ABCC1: variants seen among roughly 807,000 people sequenced by gnomAD.
ABCC1 encodes ATP binding cassette subfamily C member 1 (ABCC1 blood group), also known as multidrug resistance-associated protein 1.
In ABCC1, 83 loss-of-function variants were observed where a neutral mutation model predicts 172.9. The observed-to-expected ratio is 0.48, with a 90% CI of 0.40 to 0.58. The LOEUF (loss-of-function observed/expected upper bound fraction) is 0.58, where lower values mean the gene tolerates loss of function less well. ABCC1 is among the 20% of genes least tolerant of loss of function. ABCC1 has a pLI of 0.00. For synonymous variants in ABCC1, 937 were observed against 825.2 expected, an observed-to-expected ratio of 1.14 and a Z score of -2.32; for missense variants, 1,817 against 2,002.7, an observed-to-expected ratio of 0.91 and a Z score of 1.77.
intron 21 of ABCC1, among the ~76,000 whole-genome samples, chr16:16,109,465 C>G (rs1220297920): frequency 6.6e-6 from 1 of 152,180 alleles, no homozygotes; most frequent in East Asian, 1.9e-4. Context: ...GTGTGAGCCA[C>G]CGCACCCAGT....
intron 26 of ABCC1, among the ~76,000 whole-genome samples, chr16:16,127,316 C>T (rs2045483242): frequency 1.3e-5 from 2 of 152,156 alleles, no homozygotes; most frequent in Admixed American, 1.3e-4. Flanking sequence ...AAGTGATTCT[C>T]CTACCTCTGC....
Position 16,056,265 on chromosome 16 carries a change from C to T in ABCC1, c.1647C>T (p.Gly549=). ...AGTCTGCCTACCTGTCAGCCGTGGG[C>T]ACCTTCACCTGGGTCTGCACGCCCT... is the stretch of plus-strand genomic sequence containing the variant. ...LKKSAYLSAV[G]TFTWVCTPFL... Residue 549 remains glycine (G), a synonymous_variant, in exon 12 of 31, where the codon GGC becomes GGT. Coordinates refer to ENST00000399410, the MANE Select transcript of ABCC1 (RefSeq NM_004996.4). 6.2e-7 allele frequency: 1 copy of T among 1,614,248 alleles called. No individual in the cohort carries two copies.
At position 16,142,998 on chromosome 16, in the gene ABCC1, T is replaced by C. The variant is rs1447266951; in HGVS notation, c.*1717T>C. On this transcript the variant is annotated 3_prime_UTR_variant, in exon 31 of 31. Transcript: ENST00000399410. ...AACTAAGTTTTGGGGGATCCTTTTG[T>C]AATGACTTACACTGGAAATGCGAAC... 3 of 152,418 alleles carry C rather than the reference T, an allele frequency of 2.0e-5. No individual in the cohort carries two copies. Among genetic ancestry groups the C allele is most frequent in the Non-Finnish European group, 2.9e-5 (2 of 68,042 alleles). 9.4% of individuals were successfully genotyped at this position (152,418 alleles called of 1,614,324 possible).
intron 7 of ABCC1, among the ~76,000 whole-genome samples, chr16:16,043,763 G>A (rs367603354): frequency 3.9e-5 from 6 of 151,964 alleles, no homozygotes; most frequent in African/African-American, 9.7e-5. Context: ...CATCATGCCC[G>A]GCTAATTTTT....
In ABCC1 at chr16:16,079,239, C is replaced by T. The variant is rs1049949067; in HGVS notation, c.1989-113C>T. On this transcript the variant is annotated intron_variant, in intron 15 of 30. Transcript: ENST00000399410. ...GCCTTCAGTGTTTAGTACAGTCTTGCCTTCTGTCTTTCTCTTTCTCTACTT... is the reference window on the plus strand; with the variant it reads ...GCCTTCAGTGTTTAGTACAGTCTTGTCTTCTGTCTTTCTCTTTCTCTACTT... The T allele has an allele frequency of 3.4e-6, 5 of 1,481,800 alleles. No homozygotes were observed. The African/African-American group carries it at 5.6e-5, about 17-fold the overall frequency. 91.8% of individuals were successfully genotyped at this position (1,481,800 alleles called of 1,614,324 possible).
intron 18 of ABCC1, 58 bp from the exon 19 acceptor site, chr16:16,090,347 A>G: frequency 1.3e-6 from 2 of 1,482,806 alleles, no homozygotes; most frequent in East Asian, 4.8e-5. Flanking sequence ...TCACTCTGCC[A>G]AGCTAGGCAG....
In ABCC1 at chr16:16,136,705, G is replaced by T. The variant is rs2045931183; in HGVS notation, c.4292+61G>T. 6 of 1,561,528 alleles carry T rather than the reference G, an allele frequency of 3.8e-6. No individual in the cohort carries two copies. The South Asian group carries it at 7.1e-5, about 19-fold the overall frequency. ...TGTCCTAGGCGCCATCTCGGTAGGG[G>T]TGTTTGAAGATTCTGTCCAGATCTG... On this transcript the variant is annotated intron_variant, in intron 29 of 30. Coordinates refer to ENST00000399410, the MANE Select transcript of ABCC1 (RefSeq NM_004996.4).
intron 5 of ABCC1, among the ~76,000 whole-genome samples, chr16:16,022,860 A>G (rs941015506): frequency 1.3e-5 from 2 of 152,172 alleles, no homozygotes; most frequent in African/African-American, 4.8e-5. Flanking sequence ...GCTTTGTCAC[A>G]TATCTGTCTG....
intron 3 of ABCC1, among the ~76,000 whole-genome samples, chr16:16,012,829 C>T (rs561168264): frequency 1.3e-5 from 2 of 151,698 alleles, no homozygotes; most frequent in Admixed American, 6.6e-5. Flanking sequence ...ATTACAGGCA[C>T]GCGCCACCAC....
chr16:15,961,494 T>C (rs1159095931), intron 1 of ABCC1, among the ~76,000 whole-genome samples: 1 of 152,242 alleles, frequency 6.6e-6, no homozygotes, highest in Non-Finnish European at 1.5e-5. Flanking sequence ...AGTTTTAGTA[T>C]GTTCCCACCC....
intron 20 of ABCC1, 192 bp from the exon 21 acceptor site, chr16:16,106,546 T>C (rs576321063): frequency 3.4e-6 from 2 of 592,302 alleles, no homozygotes; most frequent in African/African-American, 3.8e-5. Flanking sequence ...TTTCTCTGGG[T>C]ACCTATAAAC....
chr16:16,134,648 T>C, intron 28 of ABCC1, 140 bp downstream of exon 28: 1 of 932,184 alleles, frequency 1.1e-6, no homozygotes, highest in Non-Finnish European at 1.5e-6. Context: ...TTTTTTTTTT[T>C]TTTCCTGAAA....
Position 16,033,069 on chromosome 16 carries a change from TTTCCCTCTTCCTCCCAAACC to T in ABCC1, c.616-38_616-19del, listed in dbSNP as rs2048611423. 6.3e-7 allele frequency: 1 copy of T among 1,596,658 alleles called. No homozygotes were observed. The highest frequency in any genetic ancestry group is 1.3e-5 in the African/African-American group (1 of 74,526). ...CCTGGATGAAAAGTCAAATCATTCC[TTTCCCTCTTCCTCCCAAACC>T]TGTGCTTTCTTTCCACTAGAATCCC... On this transcript the variant is annotated intron_variant, in intron 5 of 30. Transcript: ENST00000399410.
At chr16:16,114,681 G>C in intron 22 of ABCC1, 85 bp from the exon 23 acceptor site, 2 of 1,345,140 alleles carry the variant, frequency 1.5e-6, no homozygotes, top group Non-Finnish European at 2.0e-6. Context: ...GTCCAGGCCT[G>C]CCTCGTCCAC....
intron 21 of ABCC1, among the ~76,000 whole-genome samples, chr16:16,108,242 C>G (rs2052223337): frequency 6.6e-6 from 1 of 150,918 alleles, no homozygotes; most frequent in Non-Finnish European, 1.5e-5. Flanking sequence ...AGAGTGGAGC[C>G]AGGCACAACA....
At chr16:16,129,548 T>G (rs1320526186) in intron 26 of ABCC1, among the ~76,000 whole-genome samples, 2 of 151,396 alleles carry the variant, frequency 1.3e-5, no homozygotes, top group African/African-American at 4.9e-5. Flanking sequence ...TGTTTTTTTT[T>G]TTTTGAGACA....
intron 1 of ABCC1, among the ~76,000 whole-genome samples, chr16:15,950,017 G>A (rs1239597267): frequency 6.6e-6 from 1 of 152,098 alleles, no homozygotes; most frequent in Admixed American, 6.5e-5. Flanking sequence ...GAGCGTGGGG[G>A]GCCGCGTGCC....
intron 20 of ABCC1, among the ~76,000 whole-genome samples, chr16:16,104,891 C>T (rs1017723068): frequency 7.9e-5 from 12 of 152,312 alleles, no homozygotes; most frequent in African/African-American, 2.2e-4. Flanking sequence ...CCTCACTACC[C>T]GGGCTGGCGG....
intron 13 of ABCC1, among the ~76,000 whole-genome samples, chr16:16,069,161 A>G (rs1162418220): frequency 1.4e-5 from 2 of 141,628 alleles, no homozygotes; most frequent in East Asian, 2.0e-4. Flanking sequence ...ATAAAATAAA[A>G]TAAAATAAAA....
Sources: allele counts gnomAD v4.1 joint callset (sites outside exome capture counted in the v4.1 genomes callset), GRCh38; gene constraint gnomAD v4.1.1; transcripts MANE v1.5; gene names NCBI Gene and HGNC (gene_info 2026-07-23, HGNC 2026-07-21).